RHBDD1: variants seen among roughly 807,000 people sequenced by gnomAD.
RHBDD1 encodes the protein rhomboid domain containing 1, also known as rhomboid-related protein 4.
RHBDD1 carries 38 observed loss-of-function variants against 36.3 expected under a neutral mutation model. That is an observed-to-expected ratio of 1.05 (90% CI 0.81 to 1.37). The LOEUF is 1.37. Ranked by LOEUF, RHBDD1 falls within the 40% of genes most tolerant of loss-of-function variation. The probability of loss-of-function intolerance (pLI) is 0.00; values close to 1 mark genes in which losing one functional copy is unlikely to be tolerated. For synonymous variants in RHBDD1, 151 were observed against 136.5 expected (o/e 1.11, Z -0.74); for missense variants, 393 against 377.6 (o/e 1.04, Z -0.34).
At chr2:226,821,316 TTTTG>T in the RHBDD1 span, among the ~76,000 whole-genome samples, 63 of 152,214 alleles carry the variant, frequency 4.1e-4, no homozygotes, top group African/African-American at 8.4e-4. Flanking sequence ...TACTGGCTTT[TTTTG>T]TTTGTTTGTT....
upstream of RHBDD1, among the ~76,000 whole-genome samples, chr2:226,831,999 T>C (rs1172453958): frequency 6.6e-6 from 1 of 152,010 alleles, no homozygotes; most frequent in African/African-American, 2.4e-5. Flanking sequence ...ATTTTCATTT[T>C]CTCTATTTTT....
the RHBDD1 span, among the ~76,000 whole-genome samples, chr2:226,800,785 T>C: frequency 6.6e-6 from 1 of 152,176 alleles, no homozygotes; most frequent in Non-Finnish European, 1.5e-5. Flanking sequence ...AACCACCCTA[T>C]AAGTTTTTAA....
chr2:226,943,641 G>A (rs908232435), intron 8 of RHBDD1, among the ~76,000 whole-genome samples: 3 of 122,484 alleles, frequency 2.4e-5, no homozygotes, highest in Admixed American at 8.0e-5. Context: ...GTCTCTGGGG[G>A]TTAGTAAGGC....
chr2:226,807,069 C>T, the RHBDD1 span, among the ~76,000 whole-genome samples: 2 of 152,162 alleles, frequency 1.3e-5, no homozygotes, highest in African/African-American at 2.4e-5. Flanking sequence ...GATGCACTTA[C>T]AGTTTTCATA....
At chr2:226,896,891 C>T (rs1947141923) in intron 5 of RHBDD1, among the ~76,000 whole-genome samples, 1 of 152,082 alleles carries the variant, frequency 6.6e-6, no homozygotes, top group African/African-American at 2.4e-5. Flanking sequence ...CAACCTCTGT[C>T]CCCGGGGTTC....
At chr2:226,935,882 C>T (rs1186779345) in intron 8 of RHBDD1, among the ~76,000 whole-genome samples, 4 of 152,060 alleles carry the variant, frequency 2.6e-5, no homozygotes, top group African/African-American at 7.2e-5. Context: ...TATTCAGTTG[C>T]GTGATTATAC....
chr2:226,852,648 C>G (rs1357423555), intron 3 of RHBDD1, among the ~76,000 whole-genome samples: 1 of 152,110 alleles, frequency 6.6e-6, no homozygotes, highest in Non-Finnish European at 1.5e-5. Context: ...TTGTAATCAT[C>G]CTGTCTATGG....
At position 226,896,228 on chromosome 2, in the gene RHBDD1, CAAAGA is replaced by C. The variant is rs764556112; in HGVS notation, c.567-10561_567-10557del. Reference sequence around the variant, plus strand: ...TTGTTGTCTCATAGGCCTCTCAAAGCAAAGAAAACAACTGAGTTCTTGCATTGTCT... The same window carrying C: ...TTGTTGTCTCATAGGCCTCTCAAAGCAAACAACTGAGTTCTTGCATTGTCT... On this transcript the variant is annotated intron_variant, in intron 5 of 8. Transcript: ENST00000392062. Among the ~76,000 whole-genome samples, 22 of 152,310 alleles carry C rather than the reference CAAAGA, an allele frequency of 1.4e-4. No homozygotes were observed. The South Asian group carries it at 1.7e-3, about 11-fold the overall frequency.
chr2:226,994,276 G>T (rs1958915930), intron 8 of RHBDD1, among the ~76,000 whole-genome samples: 1 of 152,218 alleles, frequency 6.6e-6, no homozygotes, highest in Admixed American at 6.5e-5. Context: ...AGGGAGATAG[G>T]TCAGGGGGTC....
intron 8 of RHBDD1, among the ~76,000 whole-genome samples, chr2:226,976,955 A>C (rs923849538): frequency 2.6e-5 from 4 of 152,160 alleles, no homozygotes; most frequent in Admixed American, 2.0e-4. Context: ...AGAGGCCCCA[A>C]ACAAACAGGG....
At chr2:226,910,807 T>C (rs1268587421) in intron 7 of RHBDD1, among the ~76,000 whole-genome samples, 2 of 152,274 alleles carry the variant, frequency 1.3e-5, no homozygotes, top group East Asian at 3.9e-4. Flanking sequence ...GAAACATCCA[T>C]AGAAAATTTT....
At chr2:226,969,978 G>A (rs1435455933) in intron 8 of RHBDD1, among the ~76,000 whole-genome samples, 1 of 127,794 alleles carries the variant, frequency 7.8e-6, no homozygotes, top group Non-Finnish European at 1.7e-5. Flanking sequence ...ATTTTCAGAA[G>A]TTTACAACTG....
chr2:226,990,460 G>A (rs761873794), intron 8 of RHBDD1, among the ~76,000 whole-genome samples: 5 of 152,096 alleles, frequency 3.3e-5, no homozygotes, highest in Non-Finnish European at 7.4e-5. Flanking sequence ...GCTATCCTGC[G>A]ACTCCAGTAT....
intron 8 of RHBDD1, among the ~76,000 whole-genome samples, chr2:226,974,920 G>A (rs1009998211): frequency 4.6e-5 from 7 of 152,198 alleles, no homozygotes; most frequent in Non-Finnish European, 1.0e-4. Flanking sequence ...TTCAGGCCAT[G>A]TATCTCTTCC....
chr2:226,847,436 T>C (rs1375279449), intron 3 of RHBDD1, among the ~76,000 whole-genome samples: 1 of 137,132 alleles, frequency 7.3e-6, no homozygotes. Context: ...ACATTTTCAA[T>C]ATTGACATAT....
intron 8 of RHBDD1, among the ~76,000 whole-genome samples, chr2:226,949,955 G>C (rs759994632): frequency 6.6e-6 from 1 of 152,130 alleles, no homozygotes; most frequent in Admixed American, 6.5e-5. Context: ...GATCAAAATT[G>C]TATCTGTTTT....
chr2:226,868,605 A>G (rs901574340), intron 5 of RHBDD1, among the ~76,000 whole-genome samples: 2 of 152,174 alleles, frequency 1.3e-5, no homozygotes, highest in African/African-American at 4.8e-5. Flanking sequence ...TCTATTTGCT[A>G]CTGTTCTTTA....
chr2:226,888,471 C>T (rs1435588458), intron 5 of RHBDD1, among the ~76,000 whole-genome samples: 2 of 151,676 alleles, frequency 1.3e-5, no homozygotes, highest in Admixed American at 6.6e-5. Flanking sequence ...AAATCCAAAC[C>T]ACCAGTGACT....
At chr2:226,893,192 C>G (rs1574985698) in intron 5 of RHBDD1, among the ~76,000 whole-genome samples, 2 of 152,172 alleles carry the variant, frequency 1.3e-5, no homozygotes, top group South Asian at 2.1e-4. Context: ...TATGGCATTG[C>G]TTGTGAAAAT....
Sources: gnomAD v4.1 joint callset for allele counts (sites outside exome capture counted in the v4.1 genomes callset) on GRCh38, gnomAD v4.1.1 for gene constraint, MANE v1.5 for transcripts, NCBI Gene and HGNC (gene_info 2026-07-23, HGNC 2026-07-21) for gene names.